The following INTS8 variants were observed in gnomAD, a reference collection of about 807,000 sequenced individuals.
INTS8 encodes the protein protein kaonashi-1.
Under a neutral mutation model 138.9 loss-of-function variants are expected in INTS8, and 47 were observed. The observed-to-expected ratio is 0.34, with a 90% CI of 0.27 to 0.43. The LOEUF (loss-of-function observed/expected upper bound fraction) is 0.43. Ranked by LOEUF, INTS8 falls within the 20% of genes least tolerant of loss-of-function variation. INTS8 has a pLI of 1.00. For synonymous variants in INTS8, 392 were observed against 400.9 expected (o/e 0.98, Z 0.27); for missense variants, 996 against 1,173.0 (o/e 0.85, Z 2.20).
At chr8:94,832,477 C>G (rs1433301366) in intron 6 of INTS8, among the ~76,000 whole-genome samples, 4 of 152,088 alleles carry the variant, frequency 2.6e-5, no homozygotes, top group African/African-American at 9.7e-5. Context: ...TATCAGAAAT[C>G]TGATCAGACC....
At chr8:94,839,691 A>G (rs1815063809) in intron 8 of INTS8, among the ~76,000 whole-genome samples, 1 of 152,206 alleles carries the variant, frequency 6.6e-6, no homozygotes. Flanking sequence ...ATAGCTCCCT[A>G]GTAAAGGTTT....
chr8:94,827,149 A>C, intron 2 of INTS8, 114 bp from the exon 3 acceptor site: 1 of 904,800 alleles, frequency 1.1e-6, no homozygotes, highest in Non-Finnish European at 1.7e-6. Context: ...AGCTAAACCC[A>C]GAGATGTGGT....
rs755176280 is a variant in INTS8 at position 94,865,529 on chromosome 8, A to G, written c.2100A>G (p.Thr700=). ...YVKLGQLLAA[T]CKELPGPKES... ...AGCTTGGACAGCTTTTAGCAGCTACATGCAAAGAACTTCCAGGCCCTAAAG... is the reference window on the plus strand; with the variant it reads ...AGCTTGGACAGCTTTTAGCAGCTACGTGCAAAGAACTTCCAGGCCCTAAAG... Residue 700 remains threonine, a synonymous_variant, in exon 17 of 27, where the codon ACA becomes ACG. Transcript: ENST00000523731. The G allele has an allele frequency of 5.6e-6, 9 of 1,613,750 alleles. No homozygotes were observed. In the East Asian group the frequency reaches 2.0e-4, roughly 36 times the overall value.
Position 94,835,726 on chromosome 8 carries a change from A to G in INTS8, c.754-798A>G, listed in dbSNP as rs1031026233. On this transcript the variant is annotated intron_variant, in intron 6 of 26. Transcript: ENST00000523731. The stretch of plus-strand genomic sequence containing the variant: ...GCGATTCTCCTGCCCCAGCCTCCCA[A>G]ATAGCTGGGATTACAGGTGTGCGCC... Among the ~76,000 whole-genome samples the G allele has an allele frequency of 7.2e-5, 11 of 152,114 alleles. 1 individual carries two copies. The highest frequency in any genetic ancestry group is 6.5e-4 in the Admixed American group (10 of 15,274).
At chr8:94,849,681 G>A in intron 11 of INTS8, 149 bp downstream of exon 11, 2 of 612,942 alleles carry the variant, frequency 3.3e-6, no homozygotes, top group Non-Finnish European at 5.6e-6. Flanking sequence ...GTTCAAATTT[G>A]TATAGCCACG....
intron 16 of INTS8, among the ~76,000 whole-genome samples, chr8:94,861,268 T>TTTTTTC: frequency 1.3e-5 from 1 of 78,520 alleles, no homozygotes; most frequent in Non-Finnish European, 2.5e-5. Flanking sequence ...TTTTTTTTTT[T>TTTTTTC]TTTTTTTTTT....
chr8:94,866,911 C>A, intron 18 of INTS8: 1 of 454,246 alleles, frequency 2.2e-6, no homozygotes, highest in Non-Finnish European at 3.9e-6. Context: ...GCACCATAAG[C>A]CAAACATTTA....
intron 15 of INTS8, 109 bp from the exon 16 acceptor site, chr8:94,859,402 C>T: frequency 9.2e-7 from 1 of 1,090,384 alleles, no homozygotes; most frequent in South Asian, 1.5e-5. Context: ...GTGTGAGCCA[C>T]CATACCCGTC....
At chr8:94,851,994 G>A (rs893983561) in intron 13 of INTS8, among the ~76,000 whole-genome samples, 4 of 152,186 alleles carry the variant, frequency 2.6e-5, no homozygotes, top group African/African-American at 9.7e-5. Flanking sequence ...TCAGGCTGGA[G>A]TGCAGTGGTG....
Position 94,867,201 on chromosome 8 carries a change from G to C in INTS8, c.2352+5G>C. 20 of 1,605,404 alleles carry C rather than the reference G, an allele frequency of 1.2e-5. No individual in the cohort carries two copies. The highest frequency in any genetic ancestry group is 1.7e-5 in the Non-Finnish European group (20 of 1,175,548). ...GTGAAACTTCACAATGTTCGGGTAA[G>C]TATTTCATAATTTCATTTAGAAAAA... On this transcript the variant is annotated splice_donor_5th_base_variant and intron_variant, in intron 19 of 26. Transcript: ENST00000523731.
chr8:94,866,316 A>G (rs992249208), intron 18 of INTS8, 125 bp downstream of exon 18: 6 of 647,778 alleles, frequency 9.3e-6, no homozygotes, highest in African/African-American at 9.0e-5. Context: ...TTTAAGGGAC[A>G]GGGTCTTGAT....
chr8:94,824,713 A>G (rs906193038), intron 1 of INTS8, among the ~76,000 whole-genome samples, 180 bp from the exon 2 acceptor site: 2 of 145,812 alleles, frequency 1.4e-5, no homozygotes, highest in Admixed American at 6.9e-5. Context: ...CACTTCTTAC[A>G]TACGTATTCC....
intron 16 of INTS8, among the ~76,000 whole-genome samples, chr8:94,862,072 C>T (rs2131053030): frequency 1.3e-5 from 2 of 152,186 alleles, no homozygotes; most frequent in African/African-American, 4.8e-5. Flanking sequence ...TCCCAAGTAG[C>T]TGGCATTACA....
chr8:94,875,898 A>T (rs1210344645), intron 23 of INTS8, 176 bp from the exon 24 acceptor site: 4 of 559,910 alleles, frequency 7.1e-6, no homozygotes, highest in Non-Finnish European at 1.3e-5. Flanking sequence ...TGATGAAGAG[A>T]ATATTGGTCA....
intron 8 of INTS8, among the ~76,000 whole-genome samples, chr8:94,839,670 C>A (rs537508208): frequency 5.5e-4 from 84 of 152,270 alleles, no homozygotes; most frequent in Middle Eastern, 3.4e-3. Flanking sequence ...AAGACTAGAG[C>A]TCTCTCAGTT....
chr8:94,836,688 T>C (rs1814938836), intron 7 of INTS8, 57 bp downstream of exon 7: 1 of 1,080,928 alleles, frequency 9.3e-7, no homozygotes. Flanking sequence ...TCTATACATT[T>C]TTTTGGCTTT....
intron 1 of INTS8, among the ~76,000 whole-genome samples, chr8:94,824,250 A>G (rs1433782131): frequency 1.3e-5 from 2 of 152,238 alleles, no homozygotes; most frequent in Non-Finnish European, 2.9e-5. Context: ...ATTCAAATCT[A>G]GATATGGCTT....
chr8:94,824,776 A>AACCCAAACTCC, intron 1 of INTS8, 117 bp from the exon 2 acceptor site: 2 of 193,178 alleles, frequency 1.0e-5, no homozygotes, highest in Non-Finnish European at 2.0e-5. Context: ...CAAAAAAAAA[A>AACCCAAACTCC]CCCAAACTCC....
intron 5 of INTS8, among the ~76,000 whole-genome samples, 164 bp downstream of exon 5, chr8:94,829,190 C>T (rs914732932): frequency 6.6e-5 from 10 of 151,956 alleles, no homozygotes; most frequent in African/African-American, 2.4e-4. Context: ...ATGATTCAAG[C>T]ACGTTACATT....
Sources: gnomAD v4.1 joint callset for allele counts (sites outside exome capture counted in the v4.1 genomes callset) on GRCh38, gnomAD v4.1.1 for gene constraint, MANE v1.5 for transcripts, NCBI Gene and HGNC (gene_info 2026-07-23, HGNC 2026-07-21) for gene names.